BRPF3: variants seen among roughly 807,000 people sequenced by gnomAD.
BRPF3 encodes bromodomain and PHD finger containing 3.
In BRPF3, 18 loss-of-function variants were observed where a neutral mutation model predicts 102.0. The observed-to-expected ratio is 0.18, with a 90% confidence interval of 0.12 to 0.26. The LOEUF is 0.26. Ranked by LOEUF, BRPF3 falls within the 10% of genes least tolerant of loss-of-function variation. The pLI, the probability that BRPF3 is intolerant of heterozygous loss-of-function variation, is 1.00. For missense variants in BRPF3, 1,147 were observed against 1,567.8 expected, an observed-to-expected ratio of 0.73 and a Z score of 4.53; for synonymous variants, 570 against 614.2, an observed-to-expected ratio of 0.93 and a Z score of 1.06.
rs1768230720 is a variant in BRPF3 at position 36,214,028 on chromosome 6, G to A, written c.2631G>A (p.Val877=). ...GCAGGTTCCTAAAGCCCAGAAAGGT[G>A]GAAGAAGATGAGCTCTTGGAAAAAT... ...PPSRFLKPRK[V]EEDELLEKSP... is the part of the protein sequence containing the mutation. The change falls in exon 8 of 13, where the codon GTG becomes GTA. Residue 877 remains valine (V), a synonymous_variant. Transcript: ENST00000357641. 1 of 1,613,988 alleles carries A rather than the reference G, an allele frequency of 6.2e-7. No individual in the cohort carries two copies. Among genetic ancestry groups the A allele is most frequent in the African/African-American group, 1.3e-5 (1 of 74,880 alleles).
At chr6:36,217,529 GAGA>G (rs1442678854) in intron 8 of BRPF3, among the ~76,000 whole-genome samples, 1 of 152,208 alleles carries the variant, frequency 6.6e-6, no homozygotes, top group Non-Finnish European at 1.5e-5. Flanking sequence ...GAAAAAGGCA[GAGA>G]AGGCTACCTG....
In BRPF3 at chr6:36,210,132, T is replaced by C; in HGVS notation, c.1867-84T>C. 2 of 1,540,324 alleles carry C rather than the reference T, an allele frequency of 1.3e-6. No individual in the cohort carries two copies. Among genetic ancestry groups the C allele is most frequent in the South Asian group, 2.3e-5 (2 of 87,958 alleles). Reference sequence around the variant, plus strand: ...AGCCTGGCATGGCCAAATCAGAAATTGAGGAGGCCAAGAGTATTGGTGAAG... The same window carrying C: ...AGCCTGGCATGGCCAAATCAGAAATCGAGGAGGCCAAGAGTATTGGTGAAG... On this transcript the variant is annotated intron_variant, in intron 5 of 12. Coordinates refer to ENST00000357641, the MANE Select transcript of BRPF3 (RefSeq NM_015695.3). This position sits in a 1 kb window ranked among gnomAD's most constrained non-coding sequence, Gnocchi z 4.7.
chr6:36,204,461 GAAAT>G (rs1374356742), intron 2 of BRPF3, 193 bp from the exon 3 acceptor site: 55 of 619,272 alleles, frequency 8.9e-5, no homozygotes, highest in Non-Finnish European at 1.5e-4. Flanking sequence ...AAAAGCAAAT[GAAAT>G]AACTCATGCT....
rs1005753075 is a variant in BRPF3, at chr6:36,230,917, G to T, written c.*308G>T. 2.1e-5 allele frequency: 7 copies of T among 333,200 alleles called. No individual in the cohort carries two copies. The highest frequency in any genetic ancestry group is 3.9e-5 in the Non-Finnish European group (7 of 178,818). The allele number at this position is 333,200 out of a possible 1,614,324, so 20.6% of individuals were successfully genotyped here. A position where few individuals can be genotyped will look rare whatever the true frequency, so the allele number is the denominator to read the frequency against. On this transcript the variant is annotated 3_prime_UTR_variant, in exon 13 of 13. Transcript: ENST00000357641. The surrounding 1 kb of genome is among the most constrained non-coding windows in gnomAD (Gnocchi z 5.4). ...TTAGGAGATTGCCCAGATGGCAAGAGGTCCTGGGCTCCTTCTTGAGGGGCT... is the reference window on the plus strand; with the variant it reads ...TTAGGAGATTGCCCAGATGGCAAGATGTCCTGGGCTCCTTCTTGAGGGGCT...
chr6:36,209,302 A>C (rs907461109), intron 4 of BRPF3, among the ~76,000 whole-genome samples: 3 of 152,194 alleles, frequency 2.0e-5, no homozygotes, highest in African/African-American at 7.2e-5. Flanking sequence ...GGCCAAGAGC[A>C]CTCACTGTAG....
intron 7 of BRPF3, among the ~76,000 whole-genome samples, chr6:36,213,356 C>T (rs1037920592): frequency 2.0e-5 from 3 of 152,172 alleles, no homozygotes; most frequent in Non-Finnish European, 4.4e-5. Flanking sequence ...CTATGTGATT[C>T]TTATACATAG....
intron 9 of BRPF3, among the ~76,000 whole-genome samples, chr6:36,219,018 T>C (rs1768434449): frequency 6.6e-6 from 1 of 152,134 alleles, no homozygotes. Context: ...AAGGCTAATG[T>C]CATGGCCCCA....
Position 36,222,160 on chromosome 6 carries a change from G to A in BRPF3, c.3084-8G>A. The A allele has an allele frequency of 6.5e-7, 1 of 1,550,184 alleles. No individual in the cohort carries two copies. The highest frequency in any genetic ancestry group is 8.7e-7 in the Non-Finnish European group (1 of 1,146,992). ...CATTTCACCCCTCTCTCCCTGCTCTGTGTGCAGTGGTCTGACGCCCCCCAA... is the reference window on the plus strand; with the variant it reads ...CATTTCACCCCTCTCTCCCTGCTCTATGTGCAGTGGTCTGACGCCCCCCAA... On this transcript the variant is annotated splice_region_variant and splice_polypyrimidine_tract_variant and intron_variant, in intron 9 of 12. Coordinates refer to ENST00000357641, the MANE Select transcript of BRPF3 (RefSeq NM_015695.3).
intron 2 of BRPF3, among the ~76,000 whole-genome samples, chr6:36,203,446 G>A (rs769371904): frequency 5.9e-5 from 9 of 152,220 alleles, no homozygotes; most frequent in Non-Finnish European, 1.3e-4. Context: ...CACAAATGCT[G>A]TTGGGATCCT....
chr6:36,222,113 C>A, intron 9 of BRPF3, 55 bp from the exon 10 acceptor site: 1 of 1,507,286 alleles, frequency 6.6e-7, no homozygotes, highest in Non-Finnish European at 9.0e-7. Context: ...GGGGAGTCGG[C>A]GTTTTAGTCA....
At chr6:36,218,089 T>C in intron 9 of BRPF3, 79 bp downstream of exon 9, 1 of 1,248,874 alleles carries the variant, frequency 8.0e-7, no homozygotes, top group Middle Eastern at 1.9e-4. Context: ...AGATTGAACC[T>C]CTTCCTGCTT....
In BRPF3 at chr6:36,214,276, C is replaced by A; in HGVS notation, c.2879C>A (p.Pro960His). ...GAGGACCATGGTGTGGCAGGCTCTC[C>A]TGCCTCTCCAGCCAGCATCGAGGAA... ...NGEDHGVAGS[P>H]ASPASIEEER... Residue 960 changes from proline to histidine, a missense_variant, in exon 8 of 13, where the codon CCT (proline) becomes CAT (histidine). Physicochemically the swap from Pro to His is moderately conservative, Grantham distance 77. Around this residue, in one of 11 missense-constraint regions of BRPF3, gnomAD observed 379 missense variants for 426.3 expected, o/e 0.89. Coordinates refer to ENST00000357641, the MANE Select transcript of BRPF3 (RefSeq NM_015695.3). 6.2e-7 allele frequency: 1 copy of A among 1,614,044 alleles called. No homozygotes were observed. The highest frequency in any genetic ancestry group is 8.5e-7 in the Non-Finnish European group (1 of 1,180,046).
chr6:36,214,513 G>T, intron 8 of BRPF3, 127 bp downstream of exon 8: 2 of 1,167,618 alleles, frequency 1.7e-6, no homozygotes, highest in Admixed American at 6.0e-5. Context: ...AGCATTGAGG[G>T]CACCATAGCT....
chr6:36,211,305 G>A lies in BRPF3; in HGVS notation c.2227G>A (p.Val743Met). The stretch of plus-strand genomic sequence containing the variant: ...GAACCGGGCCCATTTGTCCCCAGAG[G>A]TGCAGCTGAAGGAGCTGCTGGAGAA... The part of the protein sequence containing the change: ...PENRAHLSPE[V>M]QLKELLEKLD... The change falls in exon 7 of 13, where the codon GTG (valine) becomes ATG (methionine). Residue 743 changes from valine (V) to methionine (M), a missense_variant. Transcript: ENST00000357641. 1.2e-6 allele frequency: 2 copies of A among 1,614,232 alleles called. No individual in the cohort carries two copies. Among genetic ancestry groups the A allele is most frequent in the South Asian group, 1.1e-5 (1 of 91,082 alleles).
Position 36,217,920 on chromosome 6 carries a change from T to C in BRPF3, c.2993T>C (p.Met998Thr), listed in dbSNP as rs1768388529. Residue 998 changes from methionine to threonine, a missense_variant, in exon 9 of 13, where the codon ATG (methionine) becomes ACG (threonine). This residue lies in a region of BRPF3 where 379 missense variants were observed against 426.3 expected (regional missense o/e 0.89). Transcript: ENST00000357641. Reference protein sequence around the residue: ...RSPQQEEETGMTNGFGKHTES... With the variant: ...RSPQQEEETGTTNGFGKHTES... ...TCACTGTGTGTGTCCTTGGCAGGCA[T>C]GACCAACGGCTTTGGAAAACACACC... 2 of 1,613,212 alleles carry C rather than the reference T, an allele frequency of 1.2e-6. No homozygotes were observed. Among genetic ancestry groups the C allele is most frequent in the African/African-American group, 2.7e-5 (2 of 74,884 alleles).
At chr6:36,199,419 C>G (rs528674449) in intron 1 of BRPF3, among the ~76,000 whole-genome samples, 2 of 152,170 alleles carry the variant, frequency 1.3e-5, no homozygotes, top group African/African-American at 4.8e-5. Context: ...GACTGCTGTC[C>G]TGGATGGTGT....
chr6:36,225,410 T>G, intron 11 of BRPF3, 46 bp downstream of exon 11: 1 of 1,517,644 alleles, frequency 6.6e-7, no homozygotes, highest in Non-Finnish European at 9.1e-7. Context: ...CTGCCTTGCC[T>G]TGGGGGCTAA....
chr6:36,212,153 A>C (rs1768141604), intron 7 of BRPF3, among the ~76,000 whole-genome samples: 1 of 152,312 alleles, frequency 6.6e-6, no homozygotes, highest in South Asian at 2.1e-4. Flanking sequence ...GAGAAAAGAC[A>C]AAAAAATAAA....
At chr6:36,208,525 A>G (rs940178286) in intron 4 of BRPF3, among the ~76,000 whole-genome samples, 2 of 152,344 alleles carry the variant, frequency 1.3e-5, no homozygotes, top group East Asian at 3.9e-4. Context: ...ATTCTAATTC[A>G]GTGGTCAGCC....
Sources: gnomAD v4.1 joint callset for allele counts (sites outside exome capture counted in the v4.1 genomes callset) on GRCh38, gnomAD v4.1.1 for gene constraint, gnomAD v4.1.1 regional missense constraint, Gnocchi (gnomAD v3.1) non-coding constraint, MANE v1.5 for transcripts, NCBI Gene and HGNC (gene_info 2026-07-23, HGNC 2026-07-21) for gene names.